Variants in SLC37A1 observed in about 807,000 individuals in gnomAD.
SLC37A1 encodes solute carrier family 37 member 1.
A neutral mutation model predicts 75.3 loss-of-function variants in SLC37A1; 49 were observed. That is an observed-to-expected ratio of 0.65 (90% CI 0.52 to 0.83). SLC37A1 has a LOEUF of 0.83. SLC37A1 is among the 40% of genes least tolerant of loss of function. SLC37A1 has a pLI of 0.00. For synonymous variants in SLC37A1, 268 were observed against 292.1 expected, an observed-to-expected ratio of 0.92 and a Z score of 0.84; for missense variants, 566 against 695.0, an observed-to-expected ratio of 0.81 and a Z score of 2.09.
upstream of SLC37A1, chr21:42,509,395 G>A (rs986934831): frequency 3.0e-4 from 46 of 152,362 alleles, no homozygotes; most frequent in African/African-American, 1.1e-3. This position sits in a 1 kb window ranked among gnomAD's most constrained non-coding sequence, Gnocchi z 4.2. Context: ...TCACGATCAA[G>A]GAGGAGAATT....
At chr21:42,553,365 TCAACAAA>T (rs2055603333) in intron 9 of SLC37A1, among the ~76,000 whole-genome samples, 1 of 152,210 alleles carries the variant, frequency 6.6e-6, no homozygotes, top group South Asian at 2.1e-4. Context: ...GACTATTTCA[TCAACAAA>T]CAACAACATT....
intron 2 of SLC37A1, among the ~76,000 whole-genome samples, chr21:42,504,502 A>T (rs2054366944): frequency 6.6e-6 from 1 of 152,196 alleles, no homozygotes; most frequent in South Asian, 2.1e-4. Flanking sequence ...TACTATCTTA[A>T]GTCATGCACA....
chr21:42,549,910 C>T lies in SLC37A1; in HGVS notation c.768+2770C>T, dbSNP rs918150557. ...TAAAAAGGTAAAAATAACAGCATAA[C>T]GAACCCCTGTGTACCCATTACCCAA... is the stretch of plus-strand genomic sequence containing the variant. On this transcript the variant is annotated intron_variant, in intron 9 of 19. Transcript: ENST00000352133. Among the ~76,000 whole-genome samples, 7 of 152,296 alleles carry T rather than the reference C, an allele frequency of 4.6e-5. No homozygotes were observed. The East Asian group carries it at 1.2e-3, about 25-fold the overall frequency.
At chr21:42,551,336 G>T (rs1306612442) in intron 9 of SLC37A1, among the ~76,000 whole-genome samples, 1 of 152,242 alleles carries the variant, frequency 6.6e-6, no homozygotes, top group Non-Finnish European at 1.5e-5. Flanking sequence ...ACGCGAAGCA[G>T]AAGAAACCAG....
chr21:42,539,060 G>A (rs2055209858), intron 5 of SLC37A1, among the ~76,000 whole-genome samples: 1 of 152,202 alleles, frequency 6.6e-6, no homozygotes, highest in Admixed American at 6.5e-5. Context: ...TAACACAGGT[G>A]ACTTAATTAC....
At chr21:42,538,316 G>A (rs1337770748) in intron 5 of SLC37A1, among the ~76,000 whole-genome samples, 3 of 152,216 alleles carry the variant, frequency 2.0e-5, no homozygotes, top group Non-Finnish European at 2.9e-5. Context: ...TCACCTGGAT[G>A]TTGTCTATAA....
At chr21:42,541,970 G>C (rs1429889393) in intron 6 of SLC37A1, among the ~76,000 whole-genome samples, 1 of 152,100 alleles carries the variant, frequency 6.6e-6, no homozygotes, top group Non-Finnish European at 1.5e-5. Flanking sequence ...TCAAATTCCT[G>C]AACTCAAGAG....
At chr21:42,525,884 T>C (rs1343049322) in intron 3 of SLC37A1, 27 bp downstream of exon 3, 1 of 1,579,854 alleles carries the variant, frequency 6.3e-7, no homozygotes, top group Admixed American at 1.7e-5. Context: ...GCACTGCCTG[T>C]CGTCTCTGTG....
intron 9 of SLC37A1, among the ~76,000 whole-genome samples, chr21:42,550,464 CTT>C (rs1401940575): frequency 6.6e-6 from 1 of 152,164 alleles, no homozygotes; most frequent in East Asian, 1.9e-4. Flanking sequence ...AATTTAAAAA[CTT>C]CACTCAAAGA....
chr21:42,509,901 G>A (rs1234719809), upstream of SLC37A1, among the ~76,000 whole-genome samples: 2 of 152,184 alleles, frequency 1.3e-5, no homozygotes, highest in African/African-American at 4.8e-5. The surrounding 1 kb of genome is among the most constrained non-coding windows in gnomAD (Gnocchi z 4.2). Flanking sequence ...CTGAAGCCCA[G>A]TATCTTCAAA....
At chr21:42,521,907 C>T (rs2146730948) in intron 2 of SLC37A1, among the ~76,000 whole-genome samples, 1 of 152,348 alleles carries the variant, frequency 6.6e-6, no homozygotes, top group Non-Finnish European at 1.5e-5. Context: ...CAGGAATTTA[C>T]CCTCTCACAT....
In SLC37A1 at chr21:42,570,157, C is replaced by T. The variant is rs573763584; in HGVS notation, c.1423+1719C>T. 2.0e-3 allele frequency among the ~76,000 whole-genome samples: 196 copies of T among 97,950 alleles called. 15 individuals carry two copies. The highest frequency in any genetic ancestry group is 5.4e-3 in the African/African-American group (147 of 27,012). 64.3% of individuals were successfully genotyped at this position (97,950 alleles called of 152,430 possible). A position where few individuals can be genotyped will look rare whatever the true frequency, so the allele number is the denominator to read the frequency against. ...TGACACACGGCCTGGTTCTGAGAAG[C>T]GGCGGGCAGGGTGGCCATTGCCATG... On this transcript the variant is annotated intron_variant, in intron 17 of 19. Transcript: ENST00000352133.
chr21:42,562,235 G>C, intron 12 of SLC37A1, 67 bp downstream of exon 12: 1 of 1,412,072 alleles, frequency 7.1e-7, no homozygotes, highest in South Asian at 1.2e-5. Context: ...TCTTCTGTCT[G>C]CTGGTTTCTA....
intron 17 of SLC37A1, among the ~76,000 whole-genome samples, chr21:42,572,779 G>C (rs1043848399): frequency 2.4e-4 from 31 of 127,388 alleles, no homozygotes; most frequent in African/African-American, 5.7e-4. Flanking sequence ...TGTGGGTGCT[G>C]TGAGCTCTGG....
Position 42,518,266 on chromosome 21 carries a change from C to T in SLC37A1, c.-178-11C>T. 1 of 638,758 alleles carries T rather than the reference C, an allele frequency of 1.6e-6. No individual in the cohort carries two copies. Among genetic ancestry groups the T allele is most frequent in the Non-Finnish European group, 2.8e-6 (1 of 361,496 alleles). The allele number at this position is 638,758 out of a possible 1,614,324, so 39.6% of individuals were successfully genotyped here. A position where few individuals can be genotyped will look rare whatever the true frequency, so the allele number is the denominator to read the frequency against. ...ACACTGGACTCTGAATGCCTCTCCT[C>T]CTCCTTGTAGAGAGCAGAGCCACTG... On this transcript the variant is annotated splice_polypyrimidine_tract_variant and intron_variant, in intron 1 of 19. Transcript: ENST00000352133.
At chr21:42,579,860 C>CCTAT (rs1190625629) in intron 19 of SLC37A1, 60 bp downstream of exon 19, 2 of 1,543,726 alleles carry the variant, frequency 1.3e-6, no homozygotes, top group African/African-American at 2.7e-5. Flanking sequence ...TGCCTTCTGT[C>CCTAT]CTATCTGCCT....
rs1569039532 is a variant in SLC37A1 at position 42,569,501 on chromosome 21, TCG to T, written c.1423+1064_1423+1065del. Among the ~76,000 whole-genome samples, 6 of 147,108 alleles carry T rather than the reference TCG, an allele frequency of 4.1e-5. No individual in the cohort carries two copies. The East Asian group carries it at 1.2e-3, about 30-fold the overall frequency. On this transcript the variant is annotated intron_variant, in intron 17 of 19. Coordinates refer to ENST00000352133, the MANE Select transcript of SLC37A1 (RefSeq NM_001320537.2). Reference sequence around the variant, plus strand: ...ACAGGTGACCTCGTGCCGCACTCCCTCGTGCCGCACTCCCTCGTGCCGCACTC... The same window carrying T: ...ACAGGTGACCTCGTGCCGCACTCCCTTGCCGCACTCCCTCGTGCCGCACTC...
intron 9 of SLC37A1, among the ~76,000 whole-genome samples, chr21:42,549,633 C>G (rs935544698): frequency 6.6e-6 from 1 of 152,216 alleles, no homozygotes; most frequent in African/African-American, 2.4e-5. Flanking sequence ...AGGACACCAA[C>G]GAGACCCTTG....
intron 12 of SLC37A1, among the ~76,000 whole-genome samples, chr21:42,563,313 G>A (rs1055089069): frequency 2.6e-5 from 4 of 152,174 alleles, no homozygotes; most frequent in South Asian, 2.1e-4. Context: ...TTGATGATTC[G>A]GAACGGCTGG....
Sources: gnomAD v4.1 joint callset for allele counts (sites outside exome capture counted in the v4.1 genomes callset) on GRCh38, gnomAD v4.1.1 for gene constraint, Gnocchi (gnomAD v3.1) non-coding constraint, MANE v1.5 for transcripts, NCBI Gene and HGNC (gene_info 2026-07-23, HGNC 2026-07-21) for gene names.